AMBN: variants seen among roughly 807,000 people sequenced by gnomAD.
AMBN encodes the protein enamel matrix protein.
AMBN carries 54 observed loss-of-function variants against 48.0 expected under a neutral mutation model. That is an observed-to-expected ratio of 1.12 (90% CI 0.90 to 1.41). The LOEUF is 1.41. AMBN is among the 40% of genes most tolerant of loss of function. The pLI is 0.00. For missense variants in AMBN, 571 were observed against 547.3 expected, an observed-to-expected ratio of 1.04 and a Z score of -0.43; for synonymous variants, 186 against 190.0, an observed-to-expected ratio of 0.98 and a Z score of 0.17.
chr4:70,601,759 C>T (rs1251020288), intron 6 of AMBN, 105 bp downstream of exon 6: 27 of 997,542 alleles, frequency 2.7e-5, no homozygotes, highest in Non-Finnish European at 3.5e-5. Context: ...AGGCATAATA[C>T]GTGATATAAA....
chr4:70,598,314 A>G (rs1452342339), intron 3 of AMBN, 42 bp from the exon 4 acceptor site: 7 of 1,441,964 alleles, frequency 4.9e-6, no homozygotes, highest in African/African-American at 1.4e-5. Flanking sequence ...TGTCAAACAC[A>G]GCATATGCGA....
intron 12 of AMBN, among the ~76,000 whole-genome samples, chr4:70,605,469 T>C (rs925581393): frequency 6.6e-6 from 1 of 152,198 alleles, no homozygotes; most frequent in Admixed American, 6.5e-5. Context: ...GCCTGCTCAA[T>C]TGCTACAAAC....
rs1352175658 is a variant in AMBN at position 70,606,428 on chromosome 4, G to C, written c.1042G>C (p.Ala348Pro). ...AGCTTTCCTTACAGAGCTAGAACCT[G>C]CTCCCCACGCAGGGCTCCTTGCTCT... ...NPAFLTELEP[A>P]PHAGLLALPK... Residue 348 changes from alanine to proline, a missense_variant, in exon 13 of 13, where the codon GCT becomes CCT. Physicochemically the swap from Ala to Pro is conservative, Grantham distance 27. Transcript: ENST00000322937. 6.2e-7 allele frequency: 1 copy of C among 1,614,012 alleles called. No homozygotes were observed.
At position 70,603,631 on chromosome 4, in the gene AMBN, G is replaced by C. The variant is rs1041519657; in HGVS notation, c.753+171G>C. Among the ~76,000 whole-genome samples, 8 of 149,750 alleles carry C rather than the reference G, an allele frequency of 5.3e-5. No homozygotes were observed. In the South Asian group the frequency reaches 1.7e-3, roughly 31 times the overall value. On this transcript the variant is annotated intron_variant, in intron 11 of 12. Transcript: ENST00000322937. The stretch of plus-strand genomic sequence containing the variant: ...CTTCCTATTTGGATAATCTTGGCCA[G>C]ACACACACACACACACACGCACACG...
chr4:70,596,609 A>T (rs1737389343), intron 2 of AMBN, among the ~76,000 whole-genome samples: 1 of 152,232 alleles, frequency 6.6e-6, no homozygotes, highest in Admixed American at 6.5e-5. Flanking sequence ...AAGCACATGA[A>T]AATTCAGCTT....
rs773395077 is a variant in AMBN at position 70,601,409 on chromosome 4, T to G, written c.295-9T>G. On this transcript the variant is annotated splice_polypyrimidine_tract_variant and intron_variant, in intron 5 of 12. Coordinates refer to ENST00000322937, the MANE Select transcript of AMBN (RefSeq NM_016519.6). ...CCCTTCCTAACACTCTTTTCAAATTTCTCTGCAGTATGAATATTCTTTGCC... is the reference window on the plus strand; with the variant it reads ...CCCTTCCTAACACTCTTTTCAAATTGCTCTGCAGTATGAATATTCTTTGCC... The G allele has an allele frequency of 6.2e-7, 1 of 1,612,880 alleles. No homozygotes were observed. The highest frequency in any genetic ancestry group is 8.5e-7 in the Non-Finnish European group (1 of 1,178,986).
intron 5 of AMBN, among the ~76,000 whole-genome samples, chr4:70,600,339 AC>A (rs570727742): frequency 3.4e-3 from 511 of 152,180 alleles, no homozygotes; most frequent in South Asian, 8.1e-3. Flanking sequence ...AAAAAAAAAA[AC>A]ATCATGAACC....
Position 70,607,111 on chromosome 4 carries a change from C to T in AMBN, c.*381C>T, listed in dbSNP as rs1017755376. 5 of 165,930 alleles carry T rather than the reference C, an allele frequency of 3.0e-5. No individual in the cohort carries two copies. Among genetic ancestry groups the T allele is most frequent in the African/African-American group, 1.2e-4 (5 of 41,780 alleles). The allele number at this position is 165,930 out of a possible 1,614,324, so 10.3% of individuals were successfully genotyped here. A position where few individuals can be genotyped will look rare whatever the true frequency, so the allele number is the denominator to read the frequency against. On this transcript the variant is annotated 3_prime_UTR_variant, in exon 13 of 13. Transcript: ENST00000322937. Reference sequence around the variant, plus strand: ...TTTTTCTCTAAGCAAAGGCAAATATCCTCATAATTCTAAGCTAATTCATTT... The same window carrying T: ...TTTTTCTCTAAGCAAAGGCAAATATTCTCATAATTCTAAGCTAATTCATTT...
At chr4:70,596,496 G>A (rs1040093510) in intron 2 of AMBN, among the ~76,000 whole-genome samples, 10 of 152,226 alleles carry the variant, frequency 6.6e-5, no homozygotes, top group African/African-American at 2.4e-4. Flanking sequence ...GGAATTTGCT[G>A]AAGCCCTTTG....
At chr4:70,602,179 C>T (rs1737534821) in intron 6 of AMBN, among the ~76,000 whole-genome samples, 1 of 152,082 alleles carries the variant, frequency 6.6e-6, no homozygotes, top group African/African-American at 2.4e-5. Context: ...TCCCCCATAT[C>T]ACCCTGCCTA....
In AMBN at chr4:70,603,258, A is replaced by G. The variant is rs1314975193; in HGVS notation, c.649-2A>G. 6.2e-7 allele frequency: 1 copy of G among 1,613,152 alleles called. No homozygotes were observed. Among genetic ancestry groups the G allele is most frequent in the South Asian group, 1.1e-5 (1 of 91,004 alleles). On this transcript the variant is annotated splice_acceptor_variant, in intron 9 of 12. Coordinates refer to ENST00000322937, the MANE Select transcript of AMBN (RefSeq NM_016519.6). LOFTEE classifies it high-confidence loss of function. ...ACTTATTCTGTTTTCTACCATTTAA[A>G]GATTTTCCAAATAGCCCGTTTGATT...
chr4:70,604,705 G>A (rs115391384), intron 12 of AMBN, among the ~76,000 whole-genome samples: 1,606 of 150,606 alleles, frequency 0.011, 33 homozygotes, highest in African/African-American at 0.036. Context: ...TAAGATTTTC[G>A]TTTTTGGCTG....
chr4:70,593,622 T>A (rs1229330550), intron 2 of AMBN, among the ~76,000 whole-genome samples: 1 of 152,138 alleles, frequency 6.6e-6, no homozygotes, highest in Non-Finnish European at 1.5e-5. Flanking sequence ...CCCAGCACTT[T>A]GGGAGGTTGA....
intron 1 of AMBN, among the ~76,000 whole-genome samples, chr4:70,593,006 AT>A (rs1456239641): frequency 6.6e-6 from 1 of 152,188 alleles, no homozygotes; most frequent in African/African-American, 2.4e-5. Flanking sequence ...AGTGGGAAGG[AT>A]TTTTAAACTC....
At chr4:70,593,490 A>C (rs946205870) in intron 2 of AMBN, 95 bp downstream of exon 2, 1 of 1,050,890 alleles carries the variant, frequency 9.5e-7, no homozygotes. Context: ...CCACGCATAG[A>C]CTCACTTGAT....
intron 1 of AMBN, among the ~76,000 whole-genome samples, chr4:70,592,696 A>G (rs1737300400): frequency 1.3e-5 from 2 of 152,198 alleles, no homozygotes; most frequent in Non-Finnish European, 2.9e-5. Flanking sequence ...TTGAATTTAT[A>G]GAATAAATTT....
rs761723007 is a variant in AMBN, at chr4:70,601,593, AAGG to A, written c.473_475del (p.Gly158del). The A allele has an allele frequency of 9.3e-6, 15 of 1,614,154 alleles. No individual in the cohort carries two copies. The East Asian group carries it at 3.1e-4, about 34-fold the overall frequency. On this transcript the variant is annotated inframe_deletion, in exon 6 of 13. Coordinates refer to ENST00000322937, the MANE Select transcript of AMBN (RefSeq NM_016519.6). ...CACCTGGGACATCTGCCCTTGCAGGAAGGAGAACTGCCTCTGGTTCAGCAGCAG... is the reference window on the plus strand; with the variant it reads ...CACCTGGGACATCTGCCCTTGCAGGAAGAACTGCCTCTGGTTCAGCAGCAG...
chr4:70,593,439 G>T (rs1384452819), intron 2 of AMBN, 44 bp downstream of exon 2: 1 of 1,509,900 alleles, frequency 6.6e-7, no homozygotes. Flanking sequence ...GTTATTGATT[G>T]TCGAACTCCA....
intron 4 of AMBN, among the ~76,000 whole-genome samples, chr4:70,598,998 T>C (rs766257873): frequency 2.7e-5 from 4 of 149,834 alleles, no homozygotes; most frequent in Non-Finnish European, 5.9e-5. Context: ...TGATCTCGAA[T>C]GCCTGACCTC....
Sources: gnomAD v4.1 joint callset for allele counts (sites outside exome capture counted in the v4.1 genomes callset) on GRCh38, gnomAD v4.1.1 for gene constraint, MANE v1.5 for transcripts, NCBI Gene and HGNC (gene_info 2026-07-23, HGNC 2026-07-21) for gene names.